Variants in ZBTB16 observed in about 807,000 individuals in gnomAD.
The protein encoded by ZBTB16 is zinc finger and BTB domain-containing protein 16.
ZBTB16 carries 8 observed loss-of-function variants against 56.8 expected under a neutral mutation model. The observed-to-expected ratio is 0.14, with a 90% confidence interval of 0.08 to 0.25. ZBTB16 has a LOEUF of 0.25. Ranked by LOEUF, ZBTB16 falls within the 10% of genes least tolerant of loss-of-function variation. The probability of loss-of-function intolerance (pLI) is 1.00; values close to 1 mark genes in which losing one functional copy is unlikely to be tolerated. For missense variants in ZBTB16, 625 were observed against 903.0 expected, an observed-to-expected ratio of 0.69 and a Z score of 3.95; for synonymous variants, 363 against 368.5, an observed-to-expected ratio of 0.98 and a Z score of 0.17.
At chr11:114,237,156 G>C (rs1445919072) in intron 4 of ZBTB16, 1 of 152,296 alleles carries the variant, frequency 6.6e-6, no homozygotes, top group African/African-American at 2.4e-5. Context: ...GGTCTGTGGG[G>C]CTGGCCAGAG....
chr11:114,167,379 T>G (rs1213776844), intron 3 of ZBTB16, among the ~76,000 whole-genome samples: 5 of 74,270 alleles, frequency 6.7e-5, no homozygotes, highest in African/African-American at 2.3e-4. Flanking sequence ...CCAGGGCGAG[T>G]TTTTTTGTTT....
chr11:114,241,440 C>T (rs1336473890), intron 4 of ZBTB16, among the ~76,000 whole-genome samples: 1 of 152,174 alleles, frequency 6.6e-6, no homozygotes, highest in African/African-American at 2.4e-5. Context: ...TTAGTGGCGA[C>T]ATTAGATTCT....
intron 2 of ZBTB16, among the ~76,000 whole-genome samples, chr11:114,113,830 A>C (rs1941092724): frequency 6.6e-6 from 1 of 152,236 alleles, no homozygotes; most frequent in Non-Finnish European, 1.5e-5. Flanking sequence ...TTAGTCATCT[A>C]ATCATCCAGT....
intron 2 of ZBTB16, among the ~76,000 whole-genome samples, chr11:114,090,986 G>A (rs975615660): frequency 3.3e-5 from 5 of 152,098 alleles, no homozygotes; most frequent in South Asian, 2.1e-4. Flanking sequence ...AGTGCAAATC[G>A]CAGTGTGTGT....
intron 4 of ZBTB16, among the ~76,000 whole-genome samples, chr11:114,223,456 C>A (rs1320074516): frequency 6.6e-6 from 1 of 152,138 alleles, no homozygotes; most frequent in African/African-American, 2.4e-5. Context: ...TGGTCAGAGT[C>A]AGATATTAAT....
chr11:114,165,796 C>G (rs1337171816), intron 3 of ZBTB16, among the ~76,000 whole-genome samples: 1 of 152,096 alleles, frequency 6.6e-6, no homozygotes, highest in East Asian at 1.9e-4. Context: ...AGTGGGGTGG[C>G]TCAGGGCTGA....
intron 2 of ZBTB16, among the ~76,000 whole-genome samples, chr11:114,135,756 G>T (rs1941781624): frequency 6.6e-6 from 1 of 152,226 alleles, no homozygotes; most frequent in African/African-American, 2.4e-5. Flanking sequence ...AACTAATATA[G>T]TGAGGCAGAA....
chr11:114,112,930 T>G (rs1941066012), intron 2 of ZBTB16, among the ~76,000 whole-genome samples: 1 of 151,984 alleles, frequency 6.6e-6, no homozygotes, highest in African/African-American at 2.4e-5. Context: ...ATACCTAGGT[T>G]TTTAAATTTT....
At chr11:114,134,239 GA>G in intron 2 of ZBTB16, among the ~76,000 whole-genome samples, 1 of 152,278 alleles carries the variant, frequency 6.6e-6, no homozygotes, top group South Asian at 2.1e-4. Context: ...TAGGTAAAGG[GA>G]AAAAATGATT....
chr11:114,090,332 A>T (rs1048951697), intron 2 of ZBTB16, among the ~76,000 whole-genome samples: 1 of 152,150 alleles, frequency 6.6e-6, no homozygotes, highest in African/African-American at 2.4e-5. Context: ...TTCTATTCCC[A>T]GGGCTGTAAC....
chr11:114,144,100 G>C (rs996336324), intron 2 of ZBTB16, among the ~76,000 whole-genome samples: 1 of 151,774 alleles, frequency 6.6e-6, no homozygotes, highest in Non-Finnish European at 1.5e-5. Flanking sequence ...CACACGCTTG[G>C]ACCGTCTCAG....
At position 114,190,462 on chromosome 11, in the gene ZBTB16, A is replaced by C. The variant is rs534159723; in HGVS notation, c.1453+3424A>C. On this transcript the variant is annotated intron_variant, in intron 4 of 6. Transcript: ENST00000335953. Reference sequence around the variant, plus strand: ...CTAATATAAAACCTATTTTATAATAAAATTGTTGAAGATCTCATGGAATTT... The same window carrying C: ...CTAATATAAAACCTATTTTATAATACAATTGTTGAAGATCTCATGGAATTT... Among the ~76,000 whole-genome samples the C allele has an allele frequency of 8.5e-5, 13 of 152,334 alleles. No individual in the cohort carries two copies. The South Asian group carries it at 2.7e-3, about 32-fold the overall frequency.
chr11:114,201,065 C>T (rs1242755020), intron 4 of ZBTB16, among the ~76,000 whole-genome samples: 1 of 152,196 alleles, frequency 6.6e-6, no homozygotes, highest in Non-Finnish European at 1.5e-5. Flanking sequence ...ATTTGCCTAT[C>T]GCTTTCTGCT....
chr11:114,249,417 C>G (rs1261223037), intron 6 of ZBTB16, among the ~76,000 whole-genome samples: 1 of 137,670 alleles, frequency 7.3e-6, no homozygotes, highest in African/African-American at 2.8e-5. Context: ...GAGATTGCAC[C>G]ACTGCATTCC....
intron 3 of ZBTB16, among the ~76,000 whole-genome samples, chr11:114,176,803 G>A (rs1260245066): frequency 6.6e-6 from 1 of 152,172 alleles, no homozygotes; most frequent in Non-Finnish European, 1.5e-5. Context: ...AGGACCGCAA[G>A]TCAGTTTCTT....
intron 2 of ZBTB16, among the ~76,000 whole-genome samples, chr11:114,145,137 CAGAGGAAA>C (rs1472278680): frequency 2.0e-5 from 3 of 152,212 alleles, no homozygotes; most frequent in African/African-American, 4.8e-5. Context: ...GCTTTTACAG[CAGAGGAAA>C]TCTTTATTCA....
At chr11:114,175,237 C>T (rs1301519017) in intron 3 of ZBTB16, among the ~76,000 whole-genome samples, 1 of 152,198 alleles carries the variant, frequency 6.6e-6, no homozygotes, top group Non-Finnish European at 1.5e-5. Context: ...AACACCAATA[C>T]TTTCACTCCT....
intron 3 of ZBTB16, among the ~76,000 whole-genome samples, chr11:114,178,381 G>T (rs1369614309): frequency 6.6e-6 from 1 of 152,180 alleles, no homozygotes; most frequent in Non-Finnish European, 1.5e-5. Flanking sequence ...TCTGAGCCCA[G>T]TTTTCTAGGT....
chr11:114,242,180 C>G lies in ZBTB16; in HGVS notation c.1467C>G (p.Ala489=). The change falls in exon 5 of 7, where the codon GCC becomes GCG. Residue 489 remains alanine (A), a synonymous_variant. Transcript: ENST00000335953. ...HRQTHTGTDM[A]VFCLLCGKRF... ...TGTCTCCCACAGGCACTGACATGGC[C>G]GTCTTCTGTCTGCTGTGTGGGAAGC... 6.2e-7 allele frequency: 1 copy of G among 1,613,680 alleles called. No homozygotes were observed. The highest frequency in any genetic ancestry group is 8.5e-7 in the Non-Finnish European group (1 of 1,179,884).
Sources: allele counts gnomAD v4.1 joint callset (sites outside exome capture counted in the v4.1 genomes callset), GRCh38; gene constraint gnomAD v4.1.1; transcripts MANE v1.5; gene names NCBI Gene and HGNC (gene_info 2026-07-23, HGNC 2026-07-21).